EXOC6B: variants seen among roughly 807,000 people sequenced by gnomAD.
EXOC6B encodes exocyst complex component 6B.
In EXOC6B, 54 loss-of-function variants were observed where a neutral mutation model predicts 113.5. The ratio of observed to expected loss-of-function variants is 0.48; its 90% CI spans 0.38 to 0.60. The LOEUF (loss-of-function observed/expected upper bound fraction) is 0.60. EXOC6B is among the 20% of genes least tolerant of loss of function. The pLI is 0.00. For synonymous variants in EXOC6B, 357 were observed against 339.0 expected, an observed-to-expected ratio of 1.05 and a Z score of -0.58; for missense variants, 797 against 977.5, an observed-to-expected ratio of 0.82 and a Z score of 2.46.
chr2:72,544,070 G>A (rs2105799023), intron 8 of EXOC6B, among the ~76,000 whole-genome samples: 1 of 152,288 alleles, frequency 6.6e-6, no homozygotes, highest in African/African-American at 2.4e-5. Context: ...ACTTGCATTT[G>A]TTTTAGATGT....
chr2:72,558,888 A>T (rs2103689363), intron 8 of EXOC6B, among the ~76,000 whole-genome samples: 1 of 152,122 alleles, frequency 6.6e-6, no homozygotes, highest in Admixed American at 6.6e-5. Flanking sequence ...AAGTTTCTGT[A>T]AAAAAAATCG....
At chr2:72,620,188 T>TG (rs1442294458) in intron 6 of EXOC6B, among the ~76,000 whole-genome samples, 2 of 152,154 alleles carry the variant, frequency 1.3e-5, no homozygotes, top group Non-Finnish European at 2.9e-5. Flanking sequence ...GCTGAGTGTG[T>TG]TGCTATGTCT....
In EXOC6B at chr2:72,359,142, C is replaced by CG. The variant is rs139294915; in HGVS notation, c.2122+20586_2122+20587insC. 9.0e-3 allele frequency among the ~76,000 whole-genome samples: 1,370 copies of CG among 152,192 alleles called. 8 individuals carry two copies. The highest frequency in any genetic ancestry group is 0.013 in the Non-Finnish European group (918 of 68,012). Reference sequence around the variant, plus strand: ...AAATAAGCCCTTCTTTATTCTTGAACTGGTTTGAATAGATTTTTGCTCCTT... The same window carrying CG: ...AAATAAGCCCTTCTTTATTCTTGAACGTGGTTTGAATAGATTTTTGCTCCTT... On this transcript the variant is annotated intron_variant, in intron 19 of 21. Transcript: ENST00000272427.
intron 18 of EXOC6B, among the ~76,000 whole-genome samples, chr2:72,405,731 C>A (rs1301552203): frequency 6.6e-6 from 1 of 152,192 alleles, no homozygotes; most frequent in East Asian, 1.9e-4. Flanking sequence ...ACAACCAGTA[C>A]CAGCCACTGC....
intron 20 of EXOC6B, among the ~76,000 whole-genome samples, chr2:72,222,584 C>A (rs768881882): frequency 6.6e-5 from 10 of 152,014 alleles, no homozygotes; most frequent in Non-Finnish European, 1.0e-4. Context: ...GAGCACATAA[C>A]CTTTCTTCTT....
In EXOC6B at chr2:72,601,168, G is replaced by GCA. The variant is rs1428057219; in HGVS notation, c.670-25501_670-25500insTG. 2.6e-4 allele frequency among the ~76,000 whole-genome samples: 34 copies of GCA among 131,724 alleles called. 1 individual carries two copies. The highest frequency in any genetic ancestry group is 8.5e-4 in the African/African-American group (29 of 33,978). 86.4% of individuals were successfully genotyped at this position (131,724 alleles called of 152,430 possible). On this transcript the variant is annotated intron_variant, in intron 6 of 21. Transcript: ENST00000272427. ...TGTGTGTGTGTGTGTGTGTGTGTGTGTGTGTGTGTATATCTTTTTTTCTTT... is the reference window on the plus strand; with the variant it reads ...TGTGTGTGTGTGTGTGTGTGTGTGTGCATGTGTGTGTATATCTTTTTTTCTTT...
chr2:72,732,040 TC>T (rs1448911471), intron 3 of EXOC6B, among the ~76,000 whole-genome samples: 12 of 152,190 alleles, frequency 7.9e-5, no homozygotes, highest in Non-Finnish European at 1.3e-4. Flanking sequence ...ATAATACCTG[TC>T]CTGATTTTGT....
At chr2:72,687,492 C>T (rs1262763904) in intron 6 of EXOC6B, among the ~76,000 whole-genome samples, 2 of 151,558 alleles carry the variant, frequency 1.3e-5, no homozygotes, top group African/African-American at 4.8e-5. Context: ...TCAGGCAAAA[C>T]CCCACAAAAT....
chr2:72,299,313 G>A (rs1029546563), intron 20 of EXOC6B, among the ~76,000 whole-genome samples: 3 of 151,200 alleles, frequency 2.0e-5, no homozygotes, highest in East Asian at 2.0e-4. Flanking sequence ...CAAAATTCTC[G>A]TGCTGTGTTT....
intron 6 of EXOC6B, among the ~76,000 whole-genome samples, chr2:72,706,117 A>G (rs1245111610): frequency 6.6e-6 from 1 of 152,230 alleles, no homozygotes; most frequent in East Asian, 1.9e-4. Flanking sequence ...TTCTTCACTT[A>G]TATTAATACT....
intron 1 of EXOC6B, among the ~76,000 whole-genome samples, chr2:72,745,748 C>T (rs1681655312): frequency 6.6e-6 from 1 of 152,100 alleles, no homozygotes; most frequent in African/African-American, 2.4e-5. Flanking sequence ...TAACAGTTCA[C>T]CATGAATCAG....
At chr2:72,210,665 G>A (rs1437415436) in intron 20 of EXOC6B, among the ~76,000 whole-genome samples, 1 of 152,176 alleles carries the variant, frequency 6.6e-6, no homozygotes, top group Admixed American at 6.5e-5. Flanking sequence ...TCCCAAAGGG[G>A]GCTGTGCCTC....
At chr2:72,600,135 A>G (rs1229938954) in intron 6 of EXOC6B, among the ~76,000 whole-genome samples, 2 of 152,136 alleles carry the variant, frequency 1.3e-5, no homozygotes, top group Non-Finnish European at 2.9e-5. Flanking sequence ...TCCAACTTTA[A>G]GACTTACTAT....
chr2:72,722,699 A>G (rs1680084495), intron 5 of EXOC6B, among the ~76,000 whole-genome samples: 1 of 152,238 alleles, frequency 6.6e-6, no homozygotes, highest in South Asian at 2.1e-4. Context: ...ATGAAGAGCT[A>G]TGTGCAATAA....
At chr2:72,535,303 T>C (rs1249336715) in intron 8 of EXOC6B, among the ~76,000 whole-genome samples, 2 of 152,190 alleles carry the variant, frequency 1.3e-5, no homozygotes, top group African/African-American at 4.8e-5. Flanking sequence ...ATGAATAAAG[T>C]ATAGTTCTAT....
At chr2:72,179,774 G>C (rs1377389542) in intron 21 of EXOC6B, among the ~76,000 whole-genome samples, 1 of 152,124 alleles carries the variant, frequency 6.6e-6, no homozygotes, top group East Asian at 1.9e-4. Flanking sequence ...ACCTGCTGTA[G>C]GTGTCTGGGA....
intron 2 of EXOC6B, among the ~76,000 whole-genome samples, chr2:72,741,076 C>T (rs1436209075): frequency 4.6e-5 from 7 of 151,808 alleles, no homozygotes. Flanking sequence ...TGCACTCCAG[C>T]CTGGGCGACA....
intron 6 of EXOC6B, among the ~76,000 whole-genome samples, chr2:72,671,819 G>GAAAC (rs1553464116): frequency 1.5e-5 from 2 of 133,020 alleles, no homozygotes; most frequent in African/African-American, 2.8e-5. Context: ...AAGAAAGAAA[G>GAAAC]AAGAGAAAAG....
chr2:72,632,129 C>T (rs1672510771), intron 6 of EXOC6B, among the ~76,000 whole-genome samples: 1 of 152,058 alleles, frequency 6.6e-6, no homozygotes, highest in African/African-American at 2.4e-5. Flanking sequence ...CTAAGCACAA[C>T]TTCCCAACAG....
Sources: gnomAD v4.1 joint callset for allele counts (sites outside exome capture counted in the v4.1 genomes callset) on GRCh38, gnomAD v4.1.1 for gene constraint, MANE v1.5 for transcripts, NCBI Gene and HGNC (gene_info 2026-07-23, HGNC 2026-07-21) for gene names.